Variants in PKHD1 observed in about 807,000 individuals in gnomAD.
The protein encoded by PKHD1 is fibrocystin.
In PKHD1, 291 loss-of-function variants were observed where a neutral mutation model predicts 412.0. The observed-to-expected ratio is 0.71, with a 90% CI of 0.64 to 0.78. The LOEUF is 0.78. PKHD1 is among the 30% of genes least tolerant of loss of function. The pLI, the probability that PKHD1 is intolerant of heterozygous loss-of-function variation, is 0.00. For synonymous variants in PKHD1, 1,777 were observed against 1,821.5 expected (o/e 0.98, Z 0.62); for missense variants, 4,825 against 4,950.7 (o/e 0.97, Z 0.76).
intron 4 of PKHD1, among the ~76,000 whole-genome samples, chr6:52,082,127 C>T (rs892802683): frequency 2.0e-5 from 3 of 151,870 alleles, no homozygotes; most frequent in Non-Finnish European, 2.9e-5. Context: ...AGCCATAGAA[C>T]TCTTTGCAAA....
At chr6:51,728,501 T>C (rs1168247604) in intron 60 of PKHD1, among the ~76,000 whole-genome samples, 1 of 152,186 alleles carries the variant, frequency 6.6e-6, no homozygotes, top group Admixed American at 6.5e-5. Context: ...ACTTATTATT[T>C]TGACTTCTTT....
At chr6:51,649,058 AC>A (rs1176201323) in intron 62 of PKHD1, 26 bp downstream of exon 62, 1 of 1,608,114 alleles carries the variant, frequency 6.2e-7, no homozygotes, top group Non-Finnish European at 8.5e-7. Context: ...AGCTCTAAAG[AC>A]AGATTTGTTA....
At chr6:51,905,436 G>A (rs536928995) in intron 41 of PKHD1, among the ~76,000 whole-genome samples, 1 of 152,180 alleles carries the variant, frequency 6.6e-6, no homozygotes, top group Non-Finnish European at 1.5e-5. Context: ...ACTTGTCTGG[G>A]AGAGAGAATG....
At chr6:51,928,304 T>C (rs1409207476) in intron 37 of PKHD1, among the ~76,000 whole-genome samples, 1 of 152,152 alleles carries the variant, frequency 6.6e-6, no homozygotes, top group African/African-American at 2.4e-5. Context: ...CAAGGTGTTT[T>C]TAAAGGACAA....
intron 54 of PKHD1, among the ~76,000 whole-genome samples, chr6:51,773,870 T>C (rs1444462370): frequency 6.6e-6 from 1 of 151,394 alleles, no homozygotes; most frequent in Non-Finnish European, 1.5e-5. Context: ...ATATATCAAC[T>C]ATGAAAATGT....
chr6:52,057,507 C>G (rs1442978040), intron 16 of PKHD1, among the ~76,000 whole-genome samples: 1 of 152,148 alleles, frequency 6.6e-6, no homozygotes, highest in East Asian at 1.9e-4. Context: ...ACCTCCGACT[C>G]CCTGGTTCAA....
chr6:51,869,922 CT>C (rs1317104656), intron 47 of PKHD1, among the ~76,000 whole-genome samples: 1 of 152,138 alleles, frequency 6.6e-6, no homozygotes, highest in African/African-American at 2.4e-5. Context: ...ATCAAATCAA[CT>C]AGATTACTCT....
At chr6:51,668,752 T>C (rs982155214) in intron 60 of PKHD1, among the ~76,000 whole-genome samples, 7 of 152,208 alleles carry the variant, frequency 4.6e-5, no homozygotes, top group Admixed American at 3.3e-4. Context: ...GTTTTTAGCA[T>C]GAAGTGTTGT....
rs1025068275 is a variant in PKHD1, at chr6:51,618,119, G to C, written c.*962C>G. Reference sequence around the variant, plus strand: ...CTTACCAAATGTATCAATACCAGGTGAGCCTTTGTTCTGATCTCCATTTAA... The same window carrying C: ...CTTACCAAATGTATCAATACCAGGTCAGCCTTTGTTCTGATCTCCATTTAA... On this transcript the variant is annotated 3_prime_UTR_variant, in exon 67 of 67. Coordinates refer to ENST00000371117, the MANE Select transcript of PKHD1 (RefSeq NM_138694.4). The C allele has an allele frequency of 6.6e-6, 1 of 152,154 alleles. No homozygotes were observed. Among genetic ancestry groups the C allele is most frequent in the South Asian group, 2.1e-4 (1 of 4,828 alleles). 9.4% of individuals were successfully genotyped at this position (152,154 alleles called of 1,614,324 possible).
At chr6:51,966,502 A>G (rs1167122506) in intron 35 of PKHD1, among the ~76,000 whole-genome samples, 1 of 152,160 alleles carries the variant, frequency 6.6e-6, no homozygotes, top group Non-Finnish European at 1.5e-5. Context: ...GGGAGGCCCC[A>G]AGATTTATTT....
chr6:52,049,663 T>G (rs957148242), intron 22 of PKHD1, among the ~76,000 whole-genome samples: 3 of 152,220 alleles, frequency 2.0e-5, no homozygotes, highest in African/African-American at 4.8e-5. Context: ...TATGAAGCAA[T>G]GCTTATGGGG....
chr6:52,077,362 G>A (rs1811470004), intron 5 of PKHD1, among the ~76,000 whole-genome samples: 1 of 152,156 alleles, frequency 6.6e-6, no homozygotes, highest in African/African-American at 2.4e-5. Context: ...GGCTTGACCT[G>A]TGAGCCAATT....
intron 41 of PKHD1, among the ~76,000 whole-genome samples, chr6:51,904,298 C>T (rs1583297184): frequency 6.6e-6 from 1 of 152,054 alleles, no homozygotes; most frequent in Non-Finnish European, 1.5e-5. Flanking sequence ...TGACTATCTC[C>T]ACTGTTAAGT....
chr6:51,964,792 T>G (rs1042290574), intron 35 of PKHD1, among the ~76,000 whole-genome samples: 9 of 152,092 alleles, frequency 5.9e-5, no homozygotes, highest in Non-Finnish European at 1.2e-4. Flanking sequence ...TTTATTTACC[T>G]TTTTTGTGAC....
At chr6:51,981,492 T>C (rs1795273043) in intron 35 of PKHD1, among the ~76,000 whole-genome samples, 1 of 152,062 alleles carries the variant, frequency 6.6e-6, no homozygotes, top group Non-Finnish European at 1.5e-5. Context: ...GTTTTCGTTT[T>C]TTTTTTGGTG....
chr6:51,804,952 A>G (rs1763535339), intron 52 of PKHD1, among the ~76,000 whole-genome samples: 1 of 109,548 alleles, frequency 9.1e-6, no homozygotes, highest in South Asian at 3.6e-4. Flanking sequence ...TAGTTCAGCC[A>G]CTGTGGAAAA....
chr6:52,062,734 T>A, intron 13 of PKHD1, 74 bp from the exon 14 acceptor site: 2 of 1,586,464 alleles, frequency 1.3e-6, no homozygotes, highest in South Asian at 1.1e-5. Flanking sequence ...TATTTTAAAT[T>A]ACAAGGTGAA....
At chr6:52,048,391 A>C in intron 23 of PKHD1, 101 bp downstream of exon 23, 1 of 1,144,336 alleles carries the variant, frequency 8.7e-7, no homozygotes, top group Non-Finnish European at 1.3e-6. Context: ...AATAGCTTTA[A>C]TATTATCACC....
chr6:52,082,265 C>T, intron 4 of PKHD1, 127 bp downstream of exon 4: 1 of 962,946 alleles, frequency 1.0e-6, no homozygotes, highest in East Asian at 2.4e-5. Context: ...TCACATGAAA[C>T]TTTTTTTAAC....
Sources: gnomAD v4.1 joint callset for allele counts (sites outside exome capture counted in the v4.1 genomes callset) on GRCh38, gnomAD v4.1.1 for gene constraint, MANE v1.5 for transcripts, NCBI Gene and HGNC (gene_info 2026-07-23, HGNC 2026-07-21) for gene names.